The following WDR70 variants were observed in gnomAD, a reference collection of about 807,000 sequenced individuals.
WDR70 encodes the protein WD repeat domain 70, also known as WD repeat-containing protein 70.
In WDR70, 53 loss-of-function variants were observed where a neutral mutation model predicts 88.6. The observed-to-expected ratio is 0.60, with a 90% CI of 0.48 to 0.75. The LOEUF (loss-of-function observed/expected upper bound fraction) is 0.75, where lower values mean the gene tolerates loss of function less well. Among genes scored for constraint, WDR70 ranks in the 30% least tolerant of loss-of-function variants. The pLI is 0.00. For missense variants in WDR70, 610 were observed against 823.2 expected (o/e 0.74, Z 3.17); for synonymous variants, 280 against 270.0 (o/e 1.04, Z -0.36).
intron 12 of WDR70, among the ~76,000 whole-genome samples, chr5:37,702,203 AAACG>A (rs1484413200): frequency 2.0e-5 from 3 of 152,196 alleles, no homozygotes; most frequent in Admixed American, 1.3e-4. Context: ...TTTTATGTTA[AAACG>A]AACAAACATG....
chr5:37,587,429 G>A (rs546879977), intron 9 of WDR70, among the ~76,000 whole-genome samples: 11 of 151,168 alleles, frequency 7.3e-5, no homozygotes, highest in African/African-American at 2.7e-4. Flanking sequence ...TCCCCACCCC[G>A]ACACCCGTTT....
chr5:37,528,070 G>A (rs932321284), intron 9 of WDR70, among the ~76,000 whole-genome samples: 2 of 152,214 alleles, frequency 1.3e-5, no homozygotes, highest in Non-Finnish European at 2.9e-5. Flanking sequence ...AAACAGTGTG[G>A]TGATTCCTCG....
intron 7 of WDR70, among the ~76,000 whole-genome samples, chr5:37,450,886 T>C (rs561716485): frequency 7.2e-5 from 11 of 152,034 alleles, no homozygotes; most frequent in Non-Finnish European, 1.5e-4. Context: ...TGTGAGTGTA[T>C]ACATTTTCTT....
chr5:37,596,083 C>T (rs575693197), intron 9 of WDR70, among the ~76,000 whole-genome samples: 5 of 152,266 alleles, frequency 3.3e-5, no homozygotes, highest in East Asian at 1.9e-4. Context: ...GGAACTTAAT[C>T]GCTTAACATT....
intron 10 of WDR70, among the ~76,000 whole-genome samples, chr5:37,646,565 T>G (rs1745244962): frequency 6.6e-6 from 1 of 152,154 alleles, no homozygotes; most frequent in Admixed American, 6.5e-5. Flanking sequence ...ATCATGAAAT[T>G]CCTCAGCGTT....
At chr5:37,442,525 G>T (rs913147983) in intron 6 of WDR70, among the ~76,000 whole-genome samples, 2 of 151,996 alleles carry the variant, frequency 1.3e-5, no homozygotes, top group Non-Finnish European at 2.9e-5. Context: ...GTTTCTCCAT[G>T]TTGGCCAGGC....
chr5:37,549,918 G>A (rs2112346428), intron 9 of WDR70, among the ~76,000 whole-genome samples: 1 of 151,826 alleles, frequency 6.6e-6, no homozygotes, highest in East Asian at 1.9e-4. Context: ...GGAGAGTGCA[G>A]TGGCACCATC....
At chr5:37,597,494 T>A (rs1743738416) in intron 9 of WDR70, among the ~76,000 whole-genome samples, 1 of 152,244 alleles carries the variant, frequency 6.6e-6, no homozygotes, top group Admixed American at 6.5e-5. Context: ...TTCTCTAACT[T>A]GATGAAATGT....
At chr5:37,709,279 G>A (rs1747443728) in intron 13 of WDR70, among the ~76,000 whole-genome samples, 1 of 152,164 alleles carries the variant, frequency 6.6e-6, no homozygotes, top group South Asian at 2.1e-4. Flanking sequence ...CTAGGGAATA[G>A]CATTTGCTTT....
chr5:37,603,225 C>G (rs1216790964), intron 9 of WDR70, among the ~76,000 whole-genome samples: 1 of 151,692 alleles, frequency 6.6e-6, no homozygotes, highest in Non-Finnish European at 1.5e-5. Flanking sequence ...AAGCTGGAGA[C>G]ATCACATCAC....
chr5:37,700,204 A>C (rs569792000), intron 11 of WDR70: 1 of 152,312 alleles, frequency 6.6e-6, no homozygotes, highest in African/African-American at 2.4e-5. Flanking sequence ...GGGTTGAGGC[A>C]GGTCTCAGCT....
At chr5:37,525,670 C>T (rs1038781961) in intron 9 of WDR70, among the ~76,000 whole-genome samples, 4 of 152,004 alleles carry the variant, frequency 2.6e-5, no homozygotes, top group African/African-American at 7.2e-5. Flanking sequence ...AAAAACCCTT[C>T]AAAAAATCAG....
chr5:37,643,182 A>G (rs1048388709), intron 10 of WDR70, among the ~76,000 whole-genome samples: 2 of 152,030 alleles, frequency 1.3e-5, no homozygotes, highest in African/African-American at 4.8e-5. Flanking sequence ...GATGGGGTCT[A>G]GTTTCATTCT....
Position 37,396,583 on chromosome 5 carries a change from G to A in WDR70, c.492+13G>A, listed in dbSNP as rs1356281599. 1 of 1,593,620 alleles carries A rather than the reference G, an allele frequency of 6.3e-7. No individual in the cohort carries two copies. The highest frequency in any genetic ancestry group is 8.5e-7 in the Non-Finnish European group (1 of 1,172,586). On this transcript the variant is annotated intron_variant, in intron 5 of 17. Coordinates refer to ENST00000265107, the MANE Select transcript of WDR70 (RefSeq NM_018034.4). Reference sequence around the variant, plus strand: ...GGAGGAAGAGGAAGTAAGTATTTCAGTGGTAATTTAAGAATTCGGTGGAGT... The same window carrying A: ...GGAGGAAGAGGAAGTAAGTATTTCAATGGTAATTTAAGAATTCGGTGGAGT...
chr5:37,404,348 T>C (rs1749288917), intron 5 of WDR70, among the ~76,000 whole-genome samples: 1 of 152,174 alleles, frequency 6.6e-6, no homozygotes, highest in Non-Finnish European at 1.5e-5. Context: ...TTATAAAATA[T>C]TTCTTCTTAA....
intron 9 of WDR70, among the ~76,000 whole-genome samples, chr5:37,598,356 A>G (rs1743761455): frequency 6.6e-6 from 1 of 152,228 alleles, no homozygotes; most frequent in South Asian, 2.1e-4. Context: ...CTTTCTAAAA[A>G]TGGGATCATA....
chr5:37,564,536 A>G (rs561614604), intron 9 of WDR70, among the ~76,000 whole-genome samples: 2 of 148,094 alleles, frequency 1.4e-5, no homozygotes, highest in African/African-American at 4.9e-5. Flanking sequence ...GGAGAGGGAG[A>G]CGGTGGGGAG....
At chr5:37,631,729 A>G (rs1395533973) in intron 10 of WDR70, among the ~76,000 whole-genome samples, 1 of 152,136 alleles carries the variant, frequency 6.6e-6, no homozygotes, top group Non-Finnish European at 1.5e-5. Context: ...CCATTCATCC[A>G]GCCTAAGTGA....
intron 7 of WDR70, among the ~76,000 whole-genome samples, chr5:37,453,076 T>C (rs1305249323): frequency 1.3e-5 from 2 of 152,250 alleles, no homozygotes; most frequent in African/African-American, 2.4e-5. Flanking sequence ...AGTATAAAAA[T>C]TGAATTTTAA....
Sources: gnomAD v4.1 joint callset for allele counts (sites outside exome capture counted in the v4.1 genomes callset) on GRCh38, gnomAD v4.1.1 for gene constraint, MANE v1.5 for transcripts, NCBI Gene and HGNC (gene_info 2026-07-23, HGNC 2026-07-21) for gene names.